Variants in UNC13C observed in about 807,000 individuals in gnomAD.
UNC13C encodes unc-13 homolog C.
UNC13C carries 174 observed loss-of-function variants against 245.4 expected under a neutral mutation model. That is an observed-to-expected ratio of 0.71 (90% CI 0.63 to 0.80). The LOEUF (loss-of-function observed/expected upper bound fraction) is 0.80. Ranked by LOEUF, UNC13C falls within the 30% of genes least tolerant of loss-of-function variation. UNC13C has a pLI of 0.00. For synonymous variants in UNC13C, 992 were observed against 895.1 expected (o/e 1.11, Z -1.93); for missense variants, 2,829 against 2,602.9 (o/e 1.09, Z -1.89).
the UNC13C span, among the ~76,000 whole-genome samples, chr15:53,895,450 C>A: frequency 6.6e-6 from 1 of 150,602 alleles, no homozygotes; most frequent in South Asian, 2.1e-4. Context: ...TCTACTACTG[C>A]GTAAATCTTA....
chr15:54,169,906 T>C (rs1424796215), intron 4 of UNC13C, among the ~76,000 whole-genome samples: 1 of 152,182 alleles, frequency 6.6e-6, no homozygotes, highest in Non-Finnish European at 1.5e-5. Context: ...TTTATGAATC[T>C]ATCTTTTATG....
chr15:54,012,204 T>C (rs988699384), intron 1 of UNC13C, among the ~76,000 whole-genome samples: 4 of 152,164 alleles, frequency 2.6e-5, no homozygotes, highest in African/African-American at 9.7e-5. Flanking sequence ...GTTATATATA[T>C]ATAGATAATA....
At chr15:54,138,978 T>TTTTTTTA (rs1555422093) in intron 2 of UNC13C, among the ~76,000 whole-genome samples, 1 of 141,156 alleles carries the variant, frequency 7.1e-6, no homozygotes, top group African/African-American at 2.7e-5. Flanking sequence ...TTTTTTTTTT[T>TTTTTTTA]GAGACGGAGT....
chr15:54,423,663 A>G (rs1024988037), intron 19 of UNC13C, among the ~76,000 whole-genome samples: 1 of 151,960 alleles, frequency 6.6e-6, no homozygotes, highest in Non-Finnish European at 1.5e-5. Flanking sequence ...AAGGAAAAAT[A>G]TAGTAAGAGT....
chr15:54,590,241 CT>C (rs1274632109), intron 30 of UNC13C, among the ~76,000 whole-genome samples: 2 of 152,226 alleles, frequency 1.3e-5, no homozygotes, highest in East Asian at 1.9e-4. Flanking sequence ...CAGATTTGTT[CT>C]TTTTCCTTAG....
At chr15:54,373,845 T>A (rs2039547457) in intron 17 of UNC13C, among the ~76,000 whole-genome samples, 1 of 152,148 alleles carries the variant, frequency 6.6e-6, no homozygotes, top group East Asian at 1.9e-4. Flanking sequence ...CCAGGAAGAA[T>A]GAGGTACACC....
intron 2 of UNC13C, among the ~76,000 whole-genome samples, chr15:54,059,402 T>C (rs916527197): frequency 2.0e-5 from 3 of 152,094 alleles, no homozygotes; most frequent in Non-Finnish European, 4.4e-5. Context: ...GAATCCAACT[T>C]GCAAGGGATG....
At chr15:54,275,768 T>C (rs951579212) in intron 10 of UNC13C, among the ~76,000 whole-genome samples, 10 of 152,144 alleles carry the variant, frequency 6.6e-5, no homozygotes, top group Non-Finnish European at 1.0e-4. Context: ...CATTCCTTTA[T>C]TGAAAAGAAA....
chr15:54,512,684 A>C (rs1894804973), intron 24 of UNC13C, among the ~76,000 whole-genome samples: 2 of 152,168 alleles, frequency 1.3e-5, no homozygotes, highest in South Asian at 4.1e-4. Context: ...GAATATGTAG[A>C]TATATACTTC....
chr15:54,338,800 C>T (rs1323803504), intron 17 of UNC13C, among the ~76,000 whole-genome samples: 2 of 152,274 alleles, frequency 1.3e-5, no homozygotes, highest in Admixed American at 1.3e-4. Context: ...TGGGACTAGA[C>T]ATTAGGATTC....
At chr15:54,357,380 T>C (rs182460705) in intron 17 of UNC13C, among the ~76,000 whole-genome samples, 503 of 152,208 alleles carry the variant, frequency 3.3e-3, no homozygotes, top group Non-Finnish European at 5.4e-3. Flanking sequence ...TTTTAAAATA[T>C]TCTTATTTTC....
At chr15:53,965,577 T>A in the UNC13C span, among the ~76,000 whole-genome samples, 1 of 149,994 alleles carries the variant, frequency 6.7e-6, no homozygotes, top group Non-Finnish European at 1.5e-5. Context: ...TTTATTATTA[T>A]TATTATACTT....
At chr15:53,977,655 C>T (rs1326865293), upstream of UNC13C, among the ~76,000 whole-genome samples, 2 of 152,138 alleles carry the variant, frequency 1.3e-5, no homozygotes, top group Non-Finnish European at 1.5e-5. Flanking sequence ...TTTTAAGATT[C>T]AGTACTTTTT....
chr15:54,208,883 C>G (rs1429054503), intron 4 of UNC13C, among the ~76,000 whole-genome samples: 1 of 152,122 alleles, frequency 6.6e-6, no homozygotes, highest in African/African-American at 2.4e-5. Flanking sequence ...ATGCTTATCC[C>G]ATTTGTCAAC....
At chr15:54,223,018 C>G (rs188544939) in intron 4 of UNC13C, among the ~76,000 whole-genome samples, 7,015 of 152,106 alleles carry the variant, frequency 0.046, 306 homozygotes, top group East Asian at 0.23. Context: ...GGATAGATTG[C>G]AAATATTTTC....
At chr15:54,073,839 T>G (rs1898455256) in intron 2 of UNC13C, among the ~76,000 whole-genome samples, 1 of 152,204 alleles carries the variant, frequency 6.6e-6, no homozygotes, top group Admixed American at 6.5e-5. Context: ...GCCTGTTAAC[T>G]CTGATGATAG....
At chr15:53,872,500 C>T in the UNC13C span, among the ~76,000 whole-genome samples, 10 of 152,008 alleles carry the variant, frequency 6.6e-5, no homozygotes, top group South Asian at 6.2e-4. Flanking sequence ...ATTTTCATTC[C>T]GCATGTAAAA....
chr15:54,117,689 T>G (rs564242748), intron 2 of UNC13C, among the ~76,000 whole-genome samples: 1 of 152,168 alleles, frequency 6.6e-6, no homozygotes, highest in African/African-American at 2.4e-5. Flanking sequence ...CAAGTGAGTC[T>G]CCTGCCTCTG....
the UNC13C span, among the ~76,000 whole-genome samples, chr15:53,963,444 T>C: frequency 8.6e-4 from 131 of 152,206 alleles, no homozygotes; most frequent in Admixed American, 1.8e-3. Flanking sequence ...TTGACTTCTC[T>C]GAGCTTCAGT....
Sources: gnomAD v4.1 joint callset for allele counts (sites outside exome capture counted in the v4.1 genomes callset) on GRCh38, gnomAD v4.1.1 for gene constraint, MANE v1.5 for transcripts, NCBI Gene and HGNC (gene_info 2026-07-23, HGNC 2026-07-21) for gene names.